Variants in MAP3K20 observed in about 807,000 individuals in gnomAD.
MAP3K20 encodes HCCS-4.
MAP3K20 carries 40 observed loss-of-function variants against 85.7 expected under a neutral mutation model. That is an observed-to-expected ratio of 0.47 (90% confidence interval 0.36 to 0.61). The LOEUF (loss-of-function observed/expected upper bound fraction) is 0.61, where lower values mean the gene tolerates loss of function less well. MAP3K20 is among the 20% of genes least tolerant of loss of function. The probability of loss-of-function intolerance (pLI) is 0.00; values close to 1 mark genes in which losing one functional copy is unlikely to be tolerated. For missense variants in MAP3K20, 817 were observed against 961.7 expected (o/e 0.85, Z 1.99); for synonymous variants, 325 against 327.7 (o/e 0.99, Z 0.09).
intron 2 of MAP3K20, 104 bp from the exon 3 acceptor site, chr2:173,169,701 C>T: frequency 8.9e-7 from 1 of 1,122,322 alleles, no homozygotes; most frequent in Non-Finnish European, 1.3e-6. Flanking sequence ...GCCTGGACAA[C>T]ACAGCAAGAC....
chr2:173,154,814 G>C (rs529408501), intron 2 of MAP3K20, among the ~76,000 whole-genome samples: 8 of 152,036 alleles, frequency 5.3e-5, no homozygotes, highest in Non-Finnish European at 1.0e-4. Flanking sequence ...AACCTATATA[G>C]GATACTTGAA....
chr2:173,169,971 T>G, intron 3 of MAP3K20, 79 bp downstream of exon 3: 2 of 1,298,662 alleles, frequency 1.5e-6, no homozygotes, highest in Admixed American at 3.6e-5. Flanking sequence ...ATGCTTAATA[T>G]TAGGCTCAGT....
chr2:173,166,899 A>C (rs1214018170), intron 2 of MAP3K20: 2 of 148,472 alleles, frequency 1.3e-5, no homozygotes, highest in African/African-American at 5.0e-5. Context: ...ATTTATTGCA[A>C]CAGTTTTTCT....
intron 2 of MAP3K20, among the ~76,000 whole-genome samples, chr2:173,165,106 C>A (rs1252624843): frequency 6.6e-6 from 1 of 151,876 alleles, no homozygotes; most frequent in East Asian, 1.9e-4. Context: ...CCGTTTATAT[C>A]TCAGATTGGG....
At chr2:173,250,050 C>G (rs1368224129) in intron 16 of MAP3K20, among the ~76,000 whole-genome samples, 1 of 152,154 alleles carries the variant, frequency 6.6e-6, no homozygotes, top group African/African-American at 2.4e-5. Context: ...AAGGGTATAA[C>G]GCATTTACAT....
At chr2:173,150,820 C>T (rs1366974601) in intron 2 of MAP3K20, among the ~76,000 whole-genome samples, 2 of 152,106 alleles carry the variant, frequency 1.3e-5, no homozygotes, top group African/African-American at 2.4e-5. Context: ...CCTTGACCTC[C>T]CAAAGTGCTG....
At chr2:173,250,849 A>G (rs1391926922) in intron 16 of MAP3K20, among the ~76,000 whole-genome samples, 1 of 152,220 alleles carries the variant, frequency 6.6e-6, no homozygotes, top group African/African-American at 2.4e-5. Flanking sequence ...GGACAAAGCC[A>G]TGGTGGGTCA....
intron 2 of MAP3K20, among the ~76,000 whole-genome samples, chr2:173,157,388 G>A (rs1375830548): frequency 6.7e-6 from 1 of 148,926 alleles, no homozygotes; most frequent in Non-Finnish European, 1.5e-5. Flanking sequence ...TATGCCTTTA[G>A]TTACTGTTTG....
chr2:173,197,878 T>G, intron 7 of MAP3K20, 148 bp from the exon 8 acceptor site: 1 of 472,026 alleles, frequency 2.1e-6, no homozygotes, highest in Admixed American at 3.9e-5. Flanking sequence ...GAAGAAGTTG[T>G]GTGCTTAATT....
chr2:173,235,357 C>T (rs1030369707), intron 14 of MAP3K20, among the ~76,000 whole-genome samples: 11 of 152,150 alleles, frequency 7.2e-5, no homozygotes, highest in Middle Eastern at 3.2e-3. Flanking sequence ...TGTGATTAGC[C>T]GTCTCTCAGA....
intron 2 of MAP3K20, among the ~76,000 whole-genome samples, chr2:173,092,354 T>C (rs1687325600): frequency 6.6e-6 from 1 of 152,188 alleles, no homozygotes; most frequent in South Asian, 2.1e-4. Flanking sequence ...TCTCAATCAA[T>C]AAAAATTTTT....
intron 10 of MAP3K20, among the ~76,000 whole-genome samples, chr2:173,213,911 ACACATT>A (rs1256190701): frequency 6.6e-6 from 1 of 152,174 alleles, no homozygotes; most frequent in Non-Finnish European, 1.5e-5. Flanking sequence ...TCAAAAGACA[ACACATT>A]CAGACTACTC....
chr2:173,233,733 G>C (rs2358090), intron 14 of MAP3K20, among the ~76,000 whole-genome samples: 103,729 of 152,022 alleles, frequency 0.68, 35,562 homozygotes, highest in East Asian at 0.86. Context: ...GCTACCCACA[G>C]TGACCTTTCT....
intron 2 of MAP3K20, among the ~76,000 whole-genome samples, chr2:173,169,102 A>C (rs1689925480): frequency 6.6e-6 from 1 of 152,160 alleles, no homozygotes; most frequent in Non-Finnish European, 1.5e-5. Context: ...GTATTACCTG[A>C]ATACCCACTT....
intron 9 of MAP3K20, among the ~76,000 whole-genome samples, chr2:173,206,393 T>TTTTA (rs768239144): frequency 2.0e-5 from 3 of 152,192 alleles, no homozygotes; most frequent in Non-Finnish European, 4.4e-5. Flanking sequence ...TAAGATTGAT[T>TTTTA]TTTATTTTCT....
At position 173,222,832 on chromosome 2, in the gene MAP3K20, A is replaced by T. The variant is rs759314418; in HGVS notation, c.987+5582A>T. 230 of 985,426 alleles carry T rather than the reference A, an allele frequency of 2.3e-4. No homozygotes were observed. The Middle Eastern group carries it at 5.2e-3, about 22-fold the overall frequency. 61.0% of individuals were successfully genotyped at this position (985,426 alleles called of 1,614,324 possible). A position where few individuals can be genotyped will look rare whatever the true frequency, so the allele number is the denominator to read the frequency against. On this transcript the variant is annotated intron_variant, in intron 11 of 19. Coordinates refer to ENST00000375213, the MANE Select transcript of MAP3K20 (RefSeq NM_016653.3). ...GCTCTGAAAACCTGGCTAGCCAAGG[A>T]TATTCTCAGAATGTTATCACCTGTT...
intron 16 of MAP3K20, among the ~76,000 whole-genome samples, chr2:173,252,329 T>C (rs940559708): frequency 2.0e-5 from 3 of 152,220 alleles, no homozygotes; most frequent in Non-Finnish European, 1.5e-5. Context: ...AGAGTTTCTG[T>C]TTTAGTTGGC....
At chr2:173,078,781 TTAAA>T (rs1486422634) in intron 1 of MAP3K20, among the ~76,000 whole-genome samples, 1 of 152,066 alleles carries the variant, frequency 6.6e-6, no homozygotes, top group Non-Finnish European at 1.5e-5. Flanking sequence ...AGAAAATAGT[TTAAA>T]TAGGGTAAAC....
At chr2:173,154,401 C>T (rs555072764) in intron 2 of MAP3K20, among the ~76,000 whole-genome samples, 1 of 152,256 alleles carries the variant, frequency 6.6e-6, no homozygotes, top group East Asian at 1.9e-4. Flanking sequence ...CCAGGCTGGT[C>T]TTGAACTCCT....
Sources: gnomAD v4.1 joint callset for allele counts (sites outside exome capture counted in the v4.1 genomes callset) on GRCh38, gnomAD v4.1.1 for gene constraint, MANE v1.5 for transcripts, NCBI Gene and HGNC (gene_info 2026-07-23, HGNC 2026-07-21) for gene names.